Variants in ENTPD1 observed in about 807,000 individuals in gnomAD.
The protein encoded by ENTPD1 is ATP diphosphohydrolase.
In ENTPD1, 33 loss-of-function variants were observed where a neutral mutation model predicts 57.0. The observed-to-expected ratio is 0.58, with a 90% CI of 0.44 to 0.77. The LOEUF (loss-of-function observed/expected upper bound fraction) is 0.77, where lower values mean the gene tolerates loss of function less well. ENTPD1 is among the 30% of genes least tolerant of loss of function. The pLI, the probability that ENTPD1 is intolerant of heterozygous loss-of-function variation, is 0.00. For synonymous variants in ENTPD1, 202 were observed against 218.8 expected, an observed-to-expected ratio of 0.92 and a Z score of 0.68; for missense variants, 501 against 603.4, an observed-to-expected ratio of 0.83 and a Z score of 1.78.
intron 1 of ENTPD1, among the ~76,000 whole-genome samples, chr10:95,735,843 C>T (rs745977979): frequency 6.6e-6 from 1 of 151,996 alleles, no homozygotes; most frequent in Non-Finnish European, 1.5e-5. Flanking sequence ...GTGATCCACC[C>T]ACCTTGGCCT....
chr10:95,781,931 A>T (rs1234791514), intron 1 of ENTPD1, among the ~76,000 whole-genome samples: 1 of 152,240 alleles, frequency 6.6e-6, no homozygotes, highest in Non-Finnish European at 1.5e-5. Context: ...CAAGCCTGTT[A>T]TGCCTTCACC....
intron 7 of ENTPD1, among the ~76,000 whole-genome samples, chr10:95,850,989 G>C (rs980578270): frequency 1.3e-5 from 2 of 152,214 alleles, no homozygotes; most frequent in Non-Finnish European, 2.9e-5. Flanking sequence ...GCTTTAGTCA[G>C]TCTGGCTACA....
chr10:95,706,707 G>A, the ENTPD1 span, among the ~76,000 whole-genome samples: 1 of 152,196 alleles, frequency 6.6e-6, no homozygotes, highest in Admixed American at 6.5e-5. Context: ...GTGGCTCATA[G>A]GGTAGTAAGT....
In ENTPD1 at chr10:95,870,956, T is replaced by C. The variant is rs754304989; in HGVS notation, c.*4573T>C. ...GTGGATCAGACCTATTCCATATACC[T>C]CTTGTTCTCCTTGTCCAGTGGTTTC... On this transcript the variant is annotated 3_prime_UTR_variant, in exon 10 of 10. Coordinates refer to ENST00000371205, the MANE Select transcript of ENTPD1 (RefSeq NM_001776.6). The C allele has an allele frequency of 7.4e-5, 73 of 985,298 alleles. No homozygotes were observed. Among genetic ancestry groups the C allele is most frequent in the Non-Finnish European group, 8.7e-5 (72 of 829,940 alleles). The allele number at this position is 985,298 out of a possible 1,614,324, so 61.0% of individuals were successfully genotyped here. A position where few individuals can be genotyped will look rare whatever the true frequency, so the allele number is the denominator to read the frequency against.
chr10:95,870,195 CAA>C lies in ENTPD1; in HGVS notation c.*3813_*3814del. The C allele has an allele frequency of 1.0e-6, 1 of 985,408 alleles. No individual in the cohort carries two copies. 61.0% of individuals were successfully genotyped at this position (985,408 alleles called of 1,614,324 possible). On this transcript the variant is annotated 3_prime_UTR_variant, in exon 10 of 10. Transcript: ENST00000371205. ...CTGTTATTCAGTCCAAGATGCATGACAAGAGACCTTGGGAAAGTTTCATCTGG... is the reference window on the plus strand; with the variant it reads ...CTGTTATTCAGTCCAAGATGCATGACGAGACCTTGGGAAAGTTTCATCTGG...
At chr10:95,755,836 T>G, upstream of ENTPD1, 1 of 1,514,500 alleles carries the variant, frequency 6.6e-7, no homozygotes, top group Non-Finnish European at 8.9e-7. Context: ...GCAGCTGAGA[T>G]GACTTTTTCA....
At chr10:95,780,846 C>T (rs530337320) in intron 1 of ENTPD1, among the ~76,000 whole-genome samples, 2 of 152,256 alleles carry the variant, frequency 1.3e-5, no homozygotes, top group Non-Finnish European at 2.9e-5. Context: ...TGAATTCAGA[C>T]CTTATGTGAC....
chr10:95,731,781 CTTTT>C lies in ENTPD1; in HGVS notation c.37+19806_37+19809del, dbSNP rs34841311. On this transcript the variant is annotated intron_variant, in intron 1 of 9. Transcript: ENST00000453258. Reference sequence around the variant, plus strand: ...GGTAAGAATTAGAGGAGTGGACATCCTTTTTTTTTTTTTTTTTTTTTGACAGAGT... The same window carrying C: ...GGTAAGAATTAGAGGAGTGGACATCCTTTTTTTTTTTTTTTTTGACAGAGT... Among the ~76,000 whole-genome samples, 10 of 79,178 alleles carry C rather than the reference CTTTT, an allele frequency of 1.3e-4. 1 individual carries two copies. The highest frequency in any genetic ancestry group is 1.1e-3 in the South Asian group (2 of 1,804). The allele number at this position is 79,178 out of a possible 152,430, so 51.9% of individuals were successfully genotyped here.
At chr10:95,770,603 T>C (rs1191016993) in intron 1 of ENTPD1, among the ~76,000 whole-genome samples, 1 of 152,190 alleles carries the variant, frequency 6.6e-6, no homozygotes, top group Non-Finnish European at 1.5e-5. Context: ...AAGTATGGTC[T>C]TTTTCAATTG....
rs1172887945 is a variant in ENTPD1, at chr10:95,866,265, T to C, written c.1415T>C (p.Leu472Pro). The C allele has an allele frequency of 1.9e-6, 3 of 1,614,052 alleles. No individual in the cohort carries two copies. Among genetic ancestry groups the C allele is most frequent in the Admixed American group, 1.7e-5 (1 of 59,980 alleles). The change falls in exon 10 of 10, where the codon CTC becomes CCC. Residue 472 changes from leucine to proline, a missense_variant. Leu to Pro is a moderately conservative substitution (Grantham distance 98). Coordinates refer to ENST00000371205, the MANE Select transcript of ENTPD1 (RefSeq NM_001776.6). Reference protein sequence around the residue: ...IPAEQPLSTPLSHSTYVFLMV... With the variant: ...IPAEQPLSTPPSHSTYVFLMV... The stretch of plus-strand genomic sequence containing the variant: ...GCTGAGCAACCATTGTCCACACCTC[T>C]CTCCCACTCCACCTATGTCTTCCTC...
intron 1 of ENTPD1, among the ~76,000 whole-genome samples, chr10:95,750,548 A>T (rs2098010604): frequency 6.7e-6 from 1 of 150,274 alleles, no homozygotes; most frequent in Non-Finnish European, 1.5e-5. Flanking sequence ...TGCTTCTTGC[A>T]CAGACTGCAG....
At chr10:95,726,980 TA>T (rs1476285490) in intron 1 of ENTPD1, among the ~76,000 whole-genome samples, 1 of 152,208 alleles carries the variant, frequency 6.6e-6, no homozygotes, top group African/African-American at 2.4e-5. Flanking sequence ...GTTTAGAATT[TA>T]AAATCCAGAG....
chr10:95,808,291 T>C (rs2098281519), intron 1 of ENTPD1, among the ~76,000 whole-genome samples: 1 of 152,232 alleles, frequency 6.6e-6, no homozygotes, highest in Non-Finnish European at 1.5e-5. Flanking sequence ...GTGGATAAGC[T>C]TTTTGATGTG....
In ENTPD1 at chr10:95,711,981, A is replaced by G. The variant is rs190035305; in HGVS notation, c.25A>G (p.Ser9Gly). 5 of 1,613,806 alleles carry G rather than the reference A, an allele frequency of 3.1e-6. No homozygotes were observed. In the East Asian group the frequency reaches 8.9e-5, roughly 29 times the overall value. The change falls in exon 1 of 10, where the codon AGC becomes GGC. Residue 9 changes from serine to glycine, a missense_variant. Transcript: ENST00000453258. ...AATGAAGGGAACCAAGGACCTGACA[A>G]GCCAGCAGAAGGGTAAGAAATTCTT...
At chr10:95,761,331 G>A (rs144436319) in intron 1 of ENTPD1, among the ~76,000 whole-genome samples, 1 of 152,234 alleles carries the variant, frequency 6.6e-6, no homozygotes, top group African/African-American at 2.4e-5. Flanking sequence ...TATCATTAGA[G>A]AACTTGTTAA....
intron 7 of ENTPD1, among the ~76,000 whole-genome samples, chr10:95,857,614 A>G (rs1290820717): frequency 6.6e-6 from 1 of 152,260 alleles, no homozygotes; most frequent in Admixed American, 6.5e-5. Context: ...GGCATTAGCT[A>G]TGCGAATCCA....
chr10:95,760,385 G>A (rs1334053892), intron 1 of ENTPD1, among the ~76,000 whole-genome samples: 2 of 152,104 alleles, frequency 1.3e-5, no homozygotes, highest in Non-Finnish European at 2.9e-5. Context: ...AGATTTAAGA[G>A]TAAAAAGCCC....
intron 2 of ENTPD1, among the ~76,000 whole-genome samples, chr10:95,832,403 C>G (rs1049627518): frequency 6.6e-6 from 1 of 152,072 alleles, no homozygotes; most frequent in South Asian, 2.1e-4. Flanking sequence ...AAAAAAATAG[C>G]CTTAATGAAC....
chr10:95,715,219 A>G (rs1361652707), intron 1 of ENTPD1, among the ~76,000 whole-genome samples: 1 of 152,062 alleles, frequency 6.6e-6, no homozygotes, highest in Non-Finnish European at 1.5e-5. Context: ...CAATTCTGTC[A>G]GTATTTGCTT....
Sources: gnomAD v4.1 joint callset for allele counts (sites outside exome capture counted in the v4.1 genomes callset) on GRCh38, gnomAD v4.1.1 for gene constraint, MANE v1.5 for transcripts, NCBI Gene and HGNC (gene_info 2026-07-23, HGNC 2026-07-21) for gene names.